ARRDC2: variants seen among roughly 807,000 people sequenced by gnomAD.
ARRDC2 encodes arrestin domain-containing protein 2.
Under a neutral mutation model 38.9 loss-of-function variants are expected in ARRDC2, and 39 were observed. That is an observed-to-expected ratio of 1.00 (90% CI 0.78 to 1.31). ARRDC2 has a LOEUF of 1.31. Ranked by LOEUF, ARRDC2 falls within the 50% of genes most tolerant of loss-of-function variation. The pLI is 0.00. For missense variants in ARRDC2, 553 were observed against 588.4 expected, an observed-to-expected ratio of 0.94 and a Z score of 0.62; for synonymous variants, 300 against 261.9, an observed-to-expected ratio of 1.15 and a Z score of -1.41.
At position 18,010,649 on chromosome 19, in the gene ARRDC2, G is replaced by A; in HGVS notation, c.1090G>A (p.Asp364Asn). The change falls in exon 7 of 8, where the codon GAC becomes AAC. Residue 364 changes from aspartate (D) to asparagine (N), a missense_variant. Coordinates refer to ENST00000222250, the MANE Select transcript of ARRDC2 (RefSeq NM_015683.2). ...GCAGAGCCCCTTCCCGCTTCCGCAGGACCCCGACATGAGCCTTGAAGGCCC... is the reference window on the plus strand; with the variant it reads ...GCAGAGCCCCTTCCCGCTTCCGCAGAACCCCGACATGAGCCTTGAAGGCCC... ...LGQSPFPLPQ[D>N]PDMSLEGPFF... 5 of 1,613,846 alleles carry A rather than the reference G, an allele frequency of 3.1e-6. No homozygotes were observed. The highest frequency in any genetic ancestry group is 4.2e-6 in the Non-Finnish European group (5 of 1,180,008).
intron 1 of ARRDC2, among the ~76,000 whole-genome samples, chr19:18,002,540 G>A (rs879696735): frequency 4.6e-5 from 7 of 152,194 alleles, no homozygotes; most frequent in African/African-American, 1.7e-4. Flanking sequence ...CACTATACCC[G>A]TCTGTAAAAT....
Position 18,008,724 on chromosome 19 carries a change from C to T in ARRDC2, c.288C>T (p.Thr96=). 1.9e-6 allele frequency: 3 copies of T among 1,613,488 alleles called. No individual in the cohort carries two copies. Among genetic ancestry groups the T allele is most frequent in the Non-Finnish European group, 2.5e-6 (3 of 1,180,004 alleles). ...TCCTACCTGCAGATACCGGGGAGAC[C>T]ACGACGCTGCCTCCTGGGCGCCATG... The part of the protein sequence containing the change: ...ATLLAPDTGE[T]TTLPPGRHEF... Residue 96 remains threonine, a synonymous_variant, in exon 2 of 8, where the codon ACC becomes ACT. Transcript: ENST00000222250.
chr19:18,002,286 A>G (rs2033198658), intron 1 of ARRDC2, among the ~76,000 whole-genome samples: 1 of 152,204 alleles, frequency 6.6e-6, no homozygotes, highest in Admixed American at 6.5e-5. Context: ...AATGCATCCC[A>G]GAGGGGAAGA....
chr19:18,008,681 T>A (rs1238427263), intron 1 of ARRDC2, 30 bp from the exon 2 acceptor site: 2 of 1,611,140 alleles, frequency 1.2e-6, no homozygotes, highest in Non-Finnish European at 1.7e-6. Flanking sequence ...GCGCAACCGC[T>A]CAGTCGCCTC....
At chr19:18,005,956 G>C (rs557478093), upstream of ARRDC2, among the ~76,000 whole-genome samples, 2 of 151,222 alleles carry the variant, frequency 1.3e-5, no homozygotes, top group African/African-American at 4.9e-5. Flanking sequence ...ACGGGGTCGC[G>C]GCCGGGCCGA....
chr19:18,003,832 G>C (rs1466533649), upstream of ARRDC2, among the ~76,000 whole-genome samples: 3 of 151,976 alleles, frequency 2.0e-5, no homozygotes, highest in Non-Finnish European at 4.4e-5. Context: ...GTAGAGACGG[G>C]GTTTCACCAT....
chr19:18,013,080 C>G lies in ARRDC2; in HGVS notation c.*114C>G, dbSNP rs947550358. On this transcript the variant is annotated 3_prime_UTR_variant, in exon 8 of 8. Coordinates refer to ENST00000222250, the MANE Select transcript of ARRDC2 (RefSeq NM_015683.2). ...CCCCGACTGCATCAAAGTTGGGGAA[C>G]CAAGTCTCAGAGTGAGGCGGGGGCC... 4.2e-5 allele frequency: 49 copies of G among 1,174,706 alleles called. No individual in the cohort carries two copies. Among genetic ancestry groups the G allele is most frequent in the Admixed American group, 1.5e-4 (7 of 47,206 alleles). 72.8% of individuals were successfully genotyped at this position (1,174,706 alleles called of 1,614,324 possible). A position where few individuals can be genotyped will look rare whatever the true frequency, so the allele number is the denominator to read the frequency against.
chr19:18,005,768 G>A (rs911229982), upstream of ARRDC2, among the ~76,000 whole-genome samples: 6 of 151,310 alleles, frequency 4.0e-5, no homozygotes, highest in African/African-American at 1.5e-4. Flanking sequence ...GGCGGGGGCT[G>A]ACCCCCCACC....
upstream of ARRDC2, among the ~76,000 whole-genome samples, chr19:18,006,365 C>T (rs2145998981): frequency 6.6e-6 from 1 of 152,344 alleles, no homozygotes; most frequent in East Asian, 1.9e-4. Context: ...GAGACTCTGT[C>T]TGCAATCCCG....
At chr19:18,012,264 G>A (rs549761741) in intron 7 of ARRDC2, among the ~76,000 whole-genome samples, 2 of 151,278 alleles carry the variant, frequency 1.3e-5, no homozygotes, top group East Asian at 4.0e-4. Context: ...TGGCCATAAA[G>A]TATTATAGGT....
chr19:18,004,505 C>T (rs2033234524), upstream of ARRDC2, among the ~76,000 whole-genome samples: 1 of 150,902 alleles, frequency 6.6e-6, no homozygotes, highest in Non-Finnish European at 1.5e-5. Flanking sequence ...CCTCGGCCTC[C>T]CAAAGTGCTG....
At position 18,009,106 on chromosome 19, in the gene ARRDC2, G is replaced by A. The variant is rs747038483; in HGVS notation, c.477G>A (p.Thr159=). ...TCATCGAGCCTGTGGACATCAACAC[G>A]CCAGCCCTGCTGGTGAGTGGCCACC... ...FTVIEPVDIN[T]PALLAPQAGA... is the part of the protein sequence containing the mutation. The change falls in exon 3 of 8, where the codon ACG becomes ACA. Residue 159 remains threonine, a synonymous_variant. Coordinates refer to ENST00000222250, the MANE Select transcript of ARRDC2 (RefSeq NM_015683.2). The A allele has an allele frequency of 2.0e-5, 32 of 1,613,408 alleles. No individual in the cohort carries two copies. The highest frequency in any genetic ancestry group is 8.3e-5 in the Admixed American group (5 of 59,984).
chr19:18,008,175 T>G lies in ARRDC2; in HGVS notation c.-136T>G. On this transcript the variant is annotated 5_prime_UTR_variant, in exon 1 of 8. Coordinates refer to ENST00000222250, the MANE Select transcript of ARRDC2 (RefSeq NM_015683.2). ...GCGCCGACGCACGGCGCGGGGATTT[T>G]CTGCTCCGGTTGGTGAGCGCGCCTG... 1.4e-6 allele frequency: 2 copies of G among 1,423,388 alleles called. No individual in the cohort carries two copies. Among genetic ancestry groups the G allele is most frequent in the Non-Finnish European group, 1.8e-6 (2 of 1,097,536 alleles). 88.2% of individuals were successfully genotyped at this position (1,423,388 alleles called of 1,614,324 possible).
chr19:18,006,525 A>T (rs1206864317), upstream of ARRDC2, among the ~76,000 whole-genome samples: 1 of 152,178 alleles, frequency 6.6e-6, no homozygotes, highest in Non-Finnish European at 1.5e-5. Context: ...AGGCTGAGAC[A>T]GGAGAATCAG....
At chr19:18,011,113 T>A (rs963935309) in intron 7 of ARRDC2, among the ~76,000 whole-genome samples, 3 of 152,212 alleles carry the variant, frequency 2.0e-5, no homozygotes. Context: ...TTCTCCTGCC[T>A]CAGCCTTCCG....
chr19:18,009,316 C>G lies in ARRDC2; in HGVS notation c.489+198C>G. ...GACTCTGGGCAAGTGTCTTGAAGCC[C>G]TCTCTGAGCCTCAGATGCCTCTTCT... On this transcript the variant is annotated intron_variant, in intron 3 of 7. Transcript: ENST00000222250. The G allele has an allele frequency of 8.8e-6, 6 of 684,892 alleles. No individual in the cohort carries two copies. In the South Asian group the frequency reaches 1.1e-4, roughly 13 times the overall value. The allele number at this position is 684,892 out of a possible 1,614,324, so 42.4% of individuals were successfully genotyped here.
intron 6 of ARRDC2, 103 bp downstream of exon 6, chr19:18,010,461 G>A (rs2146006930): frequency 1.3e-6 from 2 of 1,557,756 alleles, no homozygotes; most frequent in East Asian, 2.3e-5. Context: ...CCCAACCAAA[G>A]GACATACAGC....
Position 18,009,085 on chromosome 19 carries a change from C to G in ARRDC2, c.456C>G (p.Ile152Met). The G allele has an allele frequency of 1.2e-6, 2 of 1,613,520 alleles. No individual in the cohort carries two copies. The highest frequency in any genetic ancestry group is 1.7e-6 in the Non-Finnish European group (2 of 1,179,984). Residue 152 changes from isoleucine (I) to methionine (M), a missense_variant, in exon 3 of 8, where the codon ATC becomes ATG. By Grantham distance (10) the Ile-to-Met change is conservative. Coordinates refer to ENST00000222250, the MANE Select transcript of ARRDC2 (RefSeq NM_015683.2). ...ARRARKVFTV[I>M]EPVDINTPAL... ...GGGCAAGGAAGGTGTTCACTGTCAT[C>G]GAGCCTGTGGACATCAACACGCCAG...
At position 18,010,658 on chromosome 19, in the gene ARRDC2, A is replaced by G. The variant is rs745370171; in HGVS notation, c.1099A>G (p.Met367Val). ...CTTCCCGCTTCCGCAGGACCCCGACATGAGCCTTGAAGGCCCGTTCTTCGC... is the reference window on the plus strand; with the variant it reads ...CTTCCCGCTTCCGCAGGACCCCGACGTGAGCCTTGAAGGCCCGTTCTTCGC... ...SPFPLPQDPD[M>V]SLEGPFFAYI... is the part of the protein sequence containing the mutation. The change falls in exon 7 of 8, where the codon ATG becomes GTG. Residue 367 changes from methionine (M) to valine (V), a missense_variant. By Grantham distance (21) the Met-to-Val change is conservative. Coordinates refer to ENST00000222250, the MANE Select transcript of ARRDC2 (RefSeq NM_015683.2). 4.3e-6 allele frequency: 7 copies of G among 1,613,758 alleles called. No individual in the cohort carries two copies. The highest frequency in any genetic ancestry group is 3.3e-5 in the South Asian group (3 of 91,074).
Sources: gnomAD v4.1 joint callset for allele counts (sites outside exome capture counted in the v4.1 genomes callset) on GRCh38, gnomAD v4.1.1 for gene constraint, MANE v1.5 for transcripts, NCBI Gene and HGNC (gene_info 2026-07-23, HGNC 2026-07-21) for gene names.